The following OR9Q1 variants were observed in gnomAD, a reference collection of about 807,000 sequenced individuals.
The protein encoded by OR9Q1 is olfactory receptor family 9 subfamily Q member 1.
For synonymous variants in OR9Q1, 153 were observed against 148.6 expected (o/e 1.03, Z -0.22); for missense variants, 374 against 378.8 (o/e 0.99, Z 0.11).
intron 2 of OR9Q1, among the ~76,000 whole-genome samples, chr11:58,071,506 G>A (rs1287414503): frequency 2.0e-5 from 3 of 151,610 alleles, no homozygotes; most frequent in Non-Finnish European, 4.4e-5. Flanking sequence ...TAAAAATAAA[G>A]AAGCCAGCCA....
At chr11:58,140,056 A>C (rs983732517) in intron 2 of OR9Q1, among the ~76,000 whole-genome samples, 1 of 151,858 alleles carries the variant, frequency 6.6e-6, no homozygotes, top group Non-Finnish European at 1.5e-5. Flanking sequence ...GCATTTTTTC[A>C]TGTGTCTTTT....
chr11:58,025,064 C>A (rs987924588), intron 1 of OR9Q1, among the ~76,000 whole-genome samples: 1 of 152,172 alleles, frequency 6.6e-6, no homozygotes, highest in Non-Finnish European at 1.5e-5. Context: ...AAAACCAAGA[C>A]AAATAACACC....
intron 2 of OR9Q1, among the ~76,000 whole-genome samples, chr11:58,128,638 T>TA (rs994533065): frequency 2.6e-5 from 4 of 151,696 alleles, no homozygotes; most frequent in Non-Finnish European, 5.9e-5. Flanking sequence ...TACTTAACAT[T>TA]AAAAAAAAAT....
At chr11:58,056,529 T>C (rs1292233895) in intron 2 of OR9Q1, among the ~76,000 whole-genome samples, 1 of 152,184 alleles carries the variant, frequency 6.6e-6, no homozygotes, top group Admixed American at 6.5e-5. Context: ...ATATGGAAAA[T>C]ACATGAAACT....
chr11:58,092,353 GT>G (rs1853692745), intron 2 of OR9Q1, among the ~76,000 whole-genome samples: 1 of 149,760 alleles, frequency 6.7e-6, no homozygotes, highest in Non-Finnish European at 1.5e-5. Context: ...ACACTGAACT[GT>G]AAAAAATTTT....
chr11:58,157,906 C>T (rs1325932890), intron 2 of OR9Q1, among the ~76,000 whole-genome samples: 1 of 152,224 alleles, frequency 6.6e-6, no homozygotes, highest in Non-Finnish European at 1.5e-5. Context: ...TTCTCCCACT[C>T]CTTAGGCTTC....
intron 2 of OR9Q1, among the ~76,000 whole-genome samples, chr11:58,177,132 C>T (rs560787766): frequency 6.6e-6 from 1 of 152,326 alleles, no homozygotes; most frequent in East Asian, 1.9e-4. Context: ...AATGTCCTTT[C>T]TATCCTGTTG....
At chr11:58,124,680 A>G (rs749886359) in intron 2 of OR9Q1, 7 of 152,194 alleles carry the variant, frequency 4.6e-5, no homozygotes, top group Non-Finnish European at 7.3e-5. Flanking sequence ...TTTATTTTAC[A>G]GATGAGGAAA....
intron 2 of OR9Q1, among the ~76,000 whole-genome samples, chr11:58,078,875 T>C (rs147161881): frequency 6.6e-6 from 1 of 152,312 alleles, no homozygotes; most frequent in East Asian, 1.9e-4. Context: ...TCCACAAAGA[T>C]GACAGGCTCT....
chr11:58,038,207 C>T (rs1214799315), intron 1 of OR9Q1, among the ~76,000 whole-genome samples: 3 of 151,920 alleles, frequency 2.0e-5, no homozygotes, highest in Non-Finnish European at 2.9e-5. Context: ...CAAATTAAAA[C>T]AATAACTCCC....
At chr11:58,027,205 C>T (rs994496725) in intron 1 of OR9Q1, among the ~76,000 whole-genome samples, 12 of 152,178 alleles carry the variant, frequency 7.9e-5, no homozygotes, top group African/African-American at 1.2e-4. Flanking sequence ...AGTTGTCCCC[C>T]GTCTCCCATT....
chr11:58,037,212 A>T (rs1338653001), intron 1 of OR9Q1, among the ~76,000 whole-genome samples: 1 of 152,122 alleles, frequency 6.6e-6, no homozygotes, highest in African/African-American at 2.4e-5. Context: ...CATTTTTTTT[A>T]GCAATAAAGT....
In OR9Q1 at chr11:58,034,944, C is replaced by T. The variant is rs559071883; in HGVS notation, c.-93+10840C>T. 8.0e-4 allele frequency among the ~76,000 whole-genome samples: 121 copies of T among 151,770 alleles called. 1 individual carries two copies. The South Asian group carries it at 0.017, about 21-fold the overall frequency. ...TTGGACTTAGGTAATCCTGCCACCT[C>T]GGCCTCCTGAGTAGCTGGGACTACA... On this transcript the variant is annotated intron_variant, in intron 1 of 2. Coordinates refer to ENST00000335397, the MANE Select transcript of OR9Q1 (RefSeq NM_001005212.4).
intron 2 of OR9Q1, among the ~76,000 whole-genome samples, chr11:58,147,978 A>T (rs887532578): frequency 1.3e-5 from 2 of 152,134 alleles, no homozygotes; most frequent in African/African-American, 4.8e-5. Flanking sequence ...TCTTTTAAGA[A>T]CTAGGCTTTG....
intron 2 of OR9Q1, among the ~76,000 whole-genome samples, chr11:58,081,872 GCTTTCTTAAGATATTAGTTACAGTGTTGA>G (rs1853590981): frequency 5.4e-5 from 8 of 149,434 alleles, no homozygotes; most frequent in Admixed American, 2.7e-4. Flanking sequence ...ATTTACATTG[GCTTTCTTAAGATATTAGTTACAGTGTTGA>G]CTTAAATTGA....
chr11:58,120,447 G>A (rs970019110), intron 2 of OR9Q1, among the ~76,000 whole-genome samples: 1 of 151,724 alleles, frequency 6.6e-6, no homozygotes, highest in Non-Finnish European at 1.5e-5. Context: ...TTTTGAATTT[G>A]AATATGTTTT....
intron 2 of OR9Q1, among the ~76,000 whole-genome samples, chr11:58,176,658 G>A (rs1015004930): frequency 2.6e-5 from 4 of 152,300 alleles, no homozygotes; most frequent in Middle Eastern, 3.4e-3. Flanking sequence ...GGATCTTGAG[G>A]ATGGTAGGGT....
chr11:58,122,823 T>C (rs1053102737), intron 2 of OR9Q1, among the ~76,000 whole-genome samples: 1 of 152,174 alleles, frequency 6.6e-6, no homozygotes, highest in African/African-American at 2.4e-5. Flanking sequence ...TTTTCATATT[T>C]ATTTAGAAAT....
At chr11:58,127,695 C>T (rs1854102787) in intron 2 of OR9Q1, among the ~76,000 whole-genome samples, 1 of 152,190 alleles carries the variant, frequency 6.6e-6, no homozygotes, top group Non-Finnish European at 1.5e-5. Context: ...GTGTACTGAT[C>T]TGTTAACTGG....
Sources: allele counts gnomAD v4.1 joint callset (sites outside exome capture counted in the v4.1 genomes callset), GRCh38; gene constraint gnomAD v4.1.1; transcripts MANE v1.5; gene names NCBI Gene and HGNC (gene_info 2026-07-23, HGNC 2026-07-21).